VWF: variants seen among roughly 807,000 people sequenced by gnomAD.
The protein encoded by VWF is von Willebrand factor.
In VWF, 176 loss-of-function variants were observed where a neutral mutation model predicts 308.6. The observed-to-expected ratio is 0.57, with a 90% confidence interval of 0.50 to 0.65. VWF has a LOEUF of 0.65. Among genes scored for constraint, VWF ranks in the 30% least tolerant of loss-of-function variants. VWF has a pLI of 0.00. For missense variants in VWF, 3,146 were observed against 3,648.2 expected (o/e 0.86, Z 3.55); for synonymous variants, 1,385 against 1,443.4 (o/e 0.96, Z 0.92).
intron 6 of VWF, among the ~76,000 whole-genome samples, chr12:6,092,620 T>TGAGAGAGAGAGAGAGAGAGAGAGAGAGA (rs1250915385): frequency 1.1e-5 from 1 of 89,672 alleles, no homozygotes; most frequent in African/African-American, 6.0e-5. Context: ...TGAGTGAGAG[T>TGAGAGAGAGAGAGAGAGAGAGAGAGAGA]GTGTGTGTGT....
chr12:6,065,108 C>T lies in VWF; in HGVS notation c.1293+29G>A, dbSNP rs115299763. 4,113 of 1,613,918 alleles carry T rather than the reference C, an allele frequency of 2.5e-3. 97 individuals carry two copies. The African/African-American group carries it at 0.05, about 20-fold the overall frequency. On this transcript the variant is annotated intron_variant, in intron 11 of 51. Coordinates refer to ENST00000261405, the MANE Select transcript of VWF (RefSeq NM_000552.5). ...CTATGCAGCACCTTGGGCTACCACC[C>T]GACCAGCAGCCGGGCTGGCAAAGCT...
intron 49 of VWF, 118 bp from the exon 50 acceptor site, chr12:5,952,001 G>A: frequency 1.0e-6 from 1 of 989,490 alleles, no homozygotes; most frequent in Non-Finnish European, 1.6e-6. Flanking sequence ...GTGCCCAGAT[G>A]TAAACTATGC....
Position 6,058,153 on chromosome 12 carries a change from C to A in VWF, c.1534-109G>T, listed in dbSNP as rs2136456286. ...AAAAAAAAAAGTTCCCCGGGTGAAA[C>A]ATAAATATGAATGTAATAAAAGGCA... On this transcript the variant is annotated intron_variant, in intron 13 of 51. Transcript: ENST00000261405. The surrounding 1 kb of genome is among the most constrained non-coding windows in gnomAD (Gnocchi z 4.9). 82 of 1,284,460 alleles carry A rather than the reference C, an allele frequency of 6.4e-5. No homozygotes were observed. The highest frequency in any genetic ancestry group is 7.5e-5 in the Non-Finnish European group (70 of 934,294). 79.6% of individuals were successfully genotyped at this position (1,284,460 alleles called of 1,614,324 possible). A position where few individuals can be genotyped will look rare whatever the true frequency, so the allele number is the denominator to read the frequency against.
At chr12:6,057,760 G>T (rs959008812) in intron 14 of VWF, 89 bp downstream of exon 14, 1 of 1,449,380 alleles carries the variant, frequency 6.9e-7, no homozygotes, top group East Asian at 2.3e-5. Flanking sequence ...CGCCCTCCGC[G>T]GTGGGAGCAC....
At chr12:6,084,829 C>A (rs1288567219) in intron 6 of VWF, among the ~76,000 whole-genome samples, 1 of 152,130 alleles carries the variant, frequency 6.6e-6, no homozygotes, top group Non-Finnish European at 1.5e-5. Flanking sequence ...CAAGAATTCA[C>A]CCTGCAGCAG....
intron 5 of VWF, among the ~76,000 whole-genome samples, chr12:6,107,352 C>T (rs1311638722): frequency 1.3e-5 from 2 of 152,264 alleles, no homozygotes; most frequent in Non-Finnish European, 1.5e-5. Flanking sequence ...CATGACTCTA[C>T]GCTTTTGCGA....
intron 3 of VWF, among the ~76,000 whole-genome samples, chr12:6,112,827 G>GACAC (rs58457258): frequency 0.01 from 1,459 of 145,148 alleles, 5 homozygotes; most frequent in Middle Eastern, 0.014. Context: ...CAGACACACA[G>GACAC]ACACACACAC....
At position 6,121,258 on chromosome 12, in the gene VWF, A is replaced by T; in HGVS notation, c.136T>A (p.Phe46Ile). Reference protein sequence around the residue: ...SLFGSDFVNTFDGSMYSFAGY... With the variant: ...SLFGSDFVNTIDGSMYSFAGY... ...GCAAAGCTGTACATGCTCCCATCAAAGGTGTTGACGAAGTCACTTCCGAAA... is the reference window on the plus strand; with the variant it reads ...GCAAAGCTGTACATGCTCCCATCAATGGTGTTGACGAAGTCACTTCCGAAA... Residue 46 changes from phenylalanine to isoleucine, a missense_variant, in exon 3 of 52, where the codon TTT becomes ATT. Around this residue, in one of 3 missense-constraint regions of VWF, gnomAD observed 1,304 missense variants for 1,353.0 expected, o/e 0.96. Transcript: ENST00000261405. 6.2e-7 allele frequency: 1 copy of T among 1,614,154 alleles called. No individual in the cohort carries two copies. Among genetic ancestry groups the T allele is most frequent in the Non-Finnish European group, 8.5e-7 (1 of 1,180,014 alleles).
chr12:6,104,512 C>G (rs1281502886), intron 5 of VWF, among the ~76,000 whole-genome samples: 1 of 151,768 alleles, frequency 6.6e-6, no homozygotes, highest in Non-Finnish European at 1.5e-5. Context: ...ATGGTGAAAC[C>G]CCGCCTCTAC....
At chr12:6,091,952 A>G (rs1007811064) in intron 6 of VWF, among the ~76,000 whole-genome samples, 1 of 152,182 alleles carries the variant, frequency 6.6e-6, no homozygotes, top group Admixed American at 6.5e-5. Context: ...ATCACAGAGC[A>G]CCTGCCCTAC....
chr12:6,089,041 A>G (rs1945003855), intron 6 of VWF, among the ~76,000 whole-genome samples: 1 of 152,156 alleles, frequency 6.6e-6, no homozygotes, highest in South Asian at 2.1e-4. Flanking sequence ...GGAAAGTTTC[A>G]AGGTCAGTGT....
intron 47 of VWF, among the ~76,000 whole-genome samples, chr12:5,964,250 G>GCATGCATACATACATACATACATGCATA (rs1343427840): frequency 3.3e-5 from 4 of 122,350 alleles, no homozygotes; most frequent in African/African-American, 1.5e-4. Context: ...ATACATACAT[G>GCATGCATACATACATACATACATGCATA]CATACATACA....
rs142921275 is a variant in VWF at position 5,985,586 on chromosome 12, G to A, written c.6878C>T (p.Thr2293Met). Residue 2293 changes from threonine to methionine, a missense_variant, in exon 39 of 52, where the codon ACG becomes ATG. By Grantham distance (81) the Thr-to-Met change is moderately conservative. Around this residue, in one of 3 missense-constraint regions of VWF, gnomAD observed 989 missense variants for 1,117.4 expected, o/e 0.89. Transcript: ENST00000261405. ...CLSGRKVNCT[T>M]QPCPTAKAPT... ...ACCTTTGGCCGTGGGGCAGGGCTGC[G>A]TTGTGCAGTTGACCTTCCGCCCGCT... is the stretch of plus-strand genomic sequence containing the variant. 9.2e-5 allele frequency: 148 copies of A among 1,614,106 alleles called. No individual in the cohort carries two copies. In the African/African-American group the frequency reaches 1.3e-3, roughly 14 times the overall value.
At position 5,964,034 on chromosome 12, in the gene VWF, C is replaced by T. The variant is rs199833604; in HGVS notation, c.7887+3452G>A. Among the ~76,000 whole-genome samples the T allele has an allele frequency of 2.2e-4, 33 of 152,000 alleles. No individual in the cohort carries two copies. The South Asian group carries it at 2.3e-3, about 11-fold the overall frequency. ...CATTCTGGTTAACACGGTGAAACCC[C>T]GTCTCTACTAAAAATACAAAAAAAA... On this transcript the variant is annotated intron_variant, in intron 47 of 51. Transcript: ENST00000261405.
At chr12:5,968,564 G>A (rs1052524568) in intron 45 of VWF, among the ~76,000 whole-genome samples, 1 of 152,212 alleles carries the variant, frequency 6.6e-6, no homozygotes, top group Non-Finnish European at 1.5e-5. Flanking sequence ...GGGAGGCCGA[G>A]GTGGGCAGAT....
At chr12:6,051,550 A>G (rs1944512481) in intron 16 of VWF, among the ~76,000 whole-genome samples, 1 of 152,170 alleles carries the variant, frequency 6.6e-6, no homozygotes, top group South Asian at 2.1e-4. Flanking sequence ...TTGGGATTAC[A>G]GGCGTGAGCC....
chr12:6,056,741 C>T (rs1944582849), intron 15 of VWF, 116 bp downstream of exon 15: 1 of 941,988 alleles, frequency 1.1e-6, no homozygotes, highest in Non-Finnish European at 1.4e-6. Flanking sequence ...CCGTGTTTGT[C>T]ACAATGCCCT....
chr12:6,077,272 G>A (rs1425961890), intron 6 of VWF, among the ~76,000 whole-genome samples: 1 of 152,208 alleles, frequency 6.6e-6, no homozygotes, highest in Non-Finnish European at 1.5e-5. Context: ...CTGAGATTGT[G>A]CCACTGCACT....
chr12:6,057,631 G>A (rs1198367662), intron 14 of VWF, among the ~76,000 whole-genome samples: 2 of 147,030 alleles, frequency 1.4e-5, no homozygotes, highest in Non-Finnish European at 3.0e-5. Flanking sequence ...TTTCTTTCCC[G>A]GGGGTTGGCC....
Sources: gnomAD v4.1 joint callset for allele counts (sites outside exome capture counted in the v4.1 genomes callset) on GRCh38, gnomAD v4.1.1 for gene constraint, gnomAD v4.1.1 regional missense constraint, Gnocchi (gnomAD v3.1) non-coding constraint, MANE v1.5 for transcripts, NCBI Gene and HGNC (gene_info 2026-07-23, HGNC 2026-07-21) for gene names.